The following MAPK13 variants were observed in gnomAD, a reference collection of about 807,000 sequenced individuals.
MAPK13 encodes MAP kinase 13.
Under a neutral mutation model 53.5 loss-of-function variants are expected in MAPK13, and 39 were observed. The observed-to-expected ratio is 0.73, with a 90% CI of 0.56 to 0.95. The LOEUF is 0.95. Among genes scored for constraint, MAPK13 ranks in the 40% least tolerant of loss-of-function variants. MAPK13 has a pLI of 0.00. For missense variants in MAPK13, 460 were observed against 471.8 expected, an observed-to-expected ratio of 0.98 and a Z score of 0.23; for synonymous variants, 179 against 190.9, an observed-to-expected ratio of 0.94 and a Z score of 0.51.
Position 36,130,831 on chromosome 6 carries a change from G to A in MAPK13, c.119+130G>A. On this transcript the variant is annotated intron_variant, in intron 1 of 11. Coordinates refer to ENST00000211287, the MANE Select transcript of MAPK13 (RefSeq NM_002754.5). The surrounding 1 kb of genome is among the most constrained non-coding windows in gnomAD (Gnocchi z 4.5). ...GACCTCAAGGCCCAGCGCCCTCCCCGGGGCCACCCAGCGGCCATCTCCCTT... is the reference window on the plus strand; with the variant it reads ...GACCTCAAGGCCCAGCGCCCTCCCCAGGGCCACCCAGCGGCCATCTCCCTT... 1 of 532,834 alleles carries A rather than the reference G, an allele frequency of 1.9e-6. No individual in the cohort carries two copies. The highest frequency in any genetic ancestry group is 3.3e-6 in the Non-Finnish European group (1 of 303,894). 33.0% of individuals were successfully genotyped at this position (532,834 alleles called of 1,614,324 possible).
At chr6:36,136,248 T>C (rs1028119611) in intron 5 of MAPK13, among the ~76,000 whole-genome samples, 200 bp downstream of exon 5, 8 of 152,174 alleles carry the variant, frequency 5.3e-5, no homozygotes, top group African/African-American at 9.7e-5. Flanking sequence ...TCATGGGGAA[T>C]TGCTGCAGAC....
chr6:36,133,456 C>A (rs1437369276), intron 3 of MAPK13, among the ~76,000 whole-genome samples: 4 of 152,154 alleles, frequency 2.6e-5, no homozygotes, highest in Non-Finnish European at 1.5e-5. Flanking sequence ...AGACTTGAGG[C>A]CCCATTTGGG....
At position 36,130,662 on chromosome 6, in the gene MAPK13, C is replaced by G; in HGVS notation, c.80C>G (p.Ser27Cys). 1.9e-6 allele frequency: 3 copies of G among 1,579,286 alleles called. No individual in the cohort carries two copies. The highest frequency in any genetic ancestry group is 2.6e-6 in the Non-Finnish European group (3 of 1,165,388). The change falls in exon 1 of 12, where the codon TCC becomes TGC. Residue 27 changes from serine (S) to cysteine (C), a missense_variant. Physicochemically the swap from Ser to Cys is moderately radical, Grantham distance 112. Transcript: ENST00000211287. This position sits in a 1 kb window ranked among gnomAD's most constrained non-coding sequence, Gnocchi z 4.5. ...TAWELPKTYV[S>C]PTHVGSGAYG... Reference sequence around the variant, plus strand: ...TGGGAGCTGCCCAAGACCTACGTGTCCCCGACGCACGTCGGCAGCGGGGCC... The same window carrying G: ...TGGGAGCTGCCCAAGACCTACGTGTGCCCGACGCACGTCGGCAGCGGGGCC...
chr6:36,130,718 GCT>G lies in MAPK13; in HGVS notation c.119+18_119+19del. On this transcript the variant is annotated intron_variant, in intron 1 of 11. Coordinates refer to ENST00000211287, the MANE Select transcript of MAPK13 (RefSeq NM_002754.5). The surrounding 1 kb of genome is among the most constrained non-coding windows in gnomAD (Gnocchi z 4.5). ...CTCCGTGTGGTGAGACCCCTGGGCC[GCT>G]GGGGGGCGGGGGGCGGGCGCCAGGC... The G allele has an allele frequency of 7.9e-7, 1 of 1,264,358 alleles. No individual in the cohort carries two copies. Among genetic ancestry groups the G allele is most frequent in the East Asian group, 3.2e-5 (1 of 30,852 alleles). The allele number at this position is 1,264,358 out of a possible 1,614,324, so 78.3% of individuals were successfully genotyped here.
At position 36,138,988 on chromosome 6, in the gene MAPK13, G is replaced by T; in HGVS notation, c.951G>T (p.Glu317Asp). 1 of 1,613,852 alleles carries T rather than the reference G, an allele frequency of 6.2e-7. No individual in the cohort carries two copies. ...AACCCTTCCGGGACCCTGAGGAAGA[G>T]ACGGAGGCCCAGCAGCCGTTTGATG... ...FFEPFRDPEE[E>D]TEAQQPFDDS... The change falls in exon 11 of 12, where the codon GAG (glutamate) becomes GAT (aspartate). Residue 317 changes from glutamate to aspartate, a missense_variant. Transcript: ENST00000211287.
At chr6:36,138,006 T>C (rs1163920134) in intron 8 of MAPK13, among the ~76,000 whole-genome samples, 4 of 141,948 alleles carry the variant, frequency 2.8e-5, no homozygotes, top group African/African-American at 7.9e-5. Flanking sequence ...TGATGAAAAA[T>C]TCTACCACTA....
At chr6:36,135,457 G>T (rs771250320) in intron 3 of MAPK13, among the ~76,000 whole-genome samples, 4 of 152,214 alleles carry the variant, frequency 2.6e-5, no homozygotes, top group African/African-American at 9.6e-5. Flanking sequence ...GTGGAGGAGG[G>T]CAAGGAGAGA....
At chr6:36,136,249 T>C (rs887869307) in intron 5 of MAPK13, among the ~76,000 whole-genome samples, 2 of 152,204 alleles carry the variant, frequency 1.3e-5, no homozygotes, top group Non-Finnish European at 2.9e-5. Flanking sequence ...CATGGGGAAT[T>C]GCTGCAGACA....
intron 2 of MAPK13, 72 bp downstream of exon 2, chr6:36,131,472 T>G: frequency 6.8e-7 from 1 of 1,480,828 alleles, no homozygotes; most frequent in Non-Finnish European, 9.2e-7. Context: ...AGGCGGGGCC[T>G]CCCGGTATGG....
In MAPK13 at chr6:36,130,964, A is replaced by G; in HGVS notation, c.119+263A>G. ...CCCAGAGTTCATCGGGCAGATCCTC[A>G]CTGTTACAGACGAGTACACCGAGGC... On this transcript the variant is annotated intron_variant, in intron 1 of 11. Transcript: ENST00000211287. The surrounding 1 kb of genome is among the most constrained non-coding windows in gnomAD (Gnocchi z 4.5). 1.9e-6 allele frequency: 1 copy of G among 517,486 alleles called. No homozygotes were observed. The highest frequency in any genetic ancestry group is 3.6e-5 in the Admixed American group (1 of 27,908). The allele number at this position is 517,486 out of a possible 1,614,324, so 32.1% of individuals were successfully genotyped here.
At chr6:36,138,289 A>C in intron 8 of MAPK13, 76 bp from the exon 9 acceptor site, 10 of 1,094,968 alleles carry the variant, frequency 9.1e-6, no homozygotes, top group Non-Finnish European at 1.4e-5. Flanking sequence ...GCCCGGGTGA[A>C]GTGATGGTGG....
intron 5 of MAPK13, 133 bp downstream of exon 5, chr6:36,136,181 C>A: frequency 9.1e-7 from 1 of 1,093,834 alleles, no homozygotes; most frequent in South Asian, 1.4e-5. Context: ...GGAGTTTTCA[C>A]ACCCAGCCAC....
At chr6:36,135,663 C>T (rs1581882789) in intron 3 of MAPK13, 90 bp from the exon 4 acceptor site, 1 of 851,194 alleles carries the variant, frequency 1.2e-6, no homozygotes, top group Non-Finnish European at 1.9e-6. Flanking sequence ...TCTCTATGAC[C>T]CCTGTTCTGC....
rs1386599764 is a variant in MAPK13, at chr6:36,144,206, G to C, written c.*4833G>C. 6.6e-6 allele frequency: 1 copy of C among 152,028 alleles called. No individual in the cohort carries two copies. The highest frequency in any genetic ancestry group is 1.9e-4 in the East Asian group (1 of 5,190). 9.4% of individuals were successfully genotyped at this position (152,028 alleles called of 1,614,324 possible). A position where few individuals can be genotyped will look rare whatever the true frequency, so the allele number is the denominator to read the frequency against. On this transcript the variant is annotated 3_prime_UTR_variant, in exon 12 of 12. Transcript: ENST00000211287. The stretch of plus-strand genomic sequence containing the variant: ...TATTTTCATACACATAAAATATGTA[G>C]GATTACAAAGTAAGCTAGTTATATT...
chr6:36,137,479 C>T (rs1766439838), intron 8 of MAPK13, among the ~76,000 whole-genome samples: 1 of 151,696 alleles, frequency 6.6e-6, no homozygotes. Flanking sequence ...CGCGCCACTG[C>T]ACTCCAGCCT....
In MAPK13 at chr6:36,130,746, T is replaced by A; in HGVS notation, c.119+45T>A. On this transcript the variant is annotated intron_variant, in intron 1 of 11. Coordinates refer to ENST00000211287, the MANE Select transcript of MAPK13 (RefSeq NM_002754.5). This position sits in a 1 kb window ranked among gnomAD's most constrained non-coding sequence, Gnocchi z 4.5. ...GGGGGGCGGGGGGCGGGCGCCAGGCTCTCCCCTTTCCGCCCAGCCCGCCCT... is the reference window on the plus strand; with the variant it reads ...GGGGGGCGGGGGGCGGGCGCCAGGCACTCCCCTTTCCGCCCAGCCCGCCCT... 1 of 861,372 alleles carries A rather than the reference T, an allele frequency of 1.2e-6. No homozygotes were observed. The highest frequency in any genetic ancestry group is 1.6e-6 in the Non-Finnish European group (1 of 610,776). The allele number at this position is 861,372 out of a possible 1,614,324, so 53.4% of individuals were successfully genotyped here. A position where few individuals can be genotyped will look rare whatever the true frequency, so the allele number is the denominator to read the frequency against.
Position 36,136,038 on chromosome 6 carries a change from T to A in MAPK13, c.437T>A (p.Val146Asp). Residue 146 changes from valine to aspartate, a missense_variant, in exon 5 of 12, where the codon GTC (valine) becomes GAC (aspartate). Coordinates refer to ENST00000211287, the MANE Select transcript of MAPK13 (RefSeq NM_002754.5). Reference protein sequence around the residue: ...KGLKYIHSAGVVHRDLKPGNL... With the variant: ...KGLKYIHSAGDVHRDLKPGNL... ...ACATAGTACATCCACTCTGCTGGGG[T>A]CGTGCACAGGGTGAGTGCTTTCTCT... 1 of 1,613,736 alleles carries A rather than the reference T, an allele frequency of 6.2e-7. No individual in the cohort carries two copies. The highest frequency in any genetic ancestry group is 8.5e-7 in the Non-Finnish European group (1 of 1,179,914).
At position 36,143,803 on chromosome 6, in the gene MAPK13, T is replaced by G. The variant is rs1202919715; in HGVS notation, c.*4430T>G. ...ATGGCAGCAAGTTGTCCTCACTTCT[T>G]CATTGAGCACCCATGGGTGTGTACT... On this transcript the variant is annotated 3_prime_UTR_variant, in exon 12 of 12. Coordinates refer to ENST00000211287, the MANE Select transcript of MAPK13 (RefSeq NM_002754.5). 1 of 152,198 alleles carries G rather than the reference T, an allele frequency of 6.6e-6. No individual in the cohort carries two copies. The highest frequency in any genetic ancestry group is 1.9e-4 in the East Asian group (1 of 5,154). The allele number at this position is 152,198 out of a possible 1,614,324, so 9.4% of individuals were successfully genotyped here.
chr6:36,132,649 C>T lies in MAPK13; in HGVS notation c.278C>T (p.Pro93Leu), dbSNP rs1390210391. The change falls in exon 3 of 12, where the codon CCA becomes CTA. Residue 93 changes from proline (P) to leucine (L), a missense_variant. By Grantham distance (98) the Pro-to-Leu change is moderately conservative. Transcript: ENST00000211287. Reference protein sequence around the residue: ...NVIGLLDVFTPASSLRNFYDF... With the variant: ...NVIGLLDVFTLASSLRNFYDF... ...ATTGGGCTCCTGGATGTCTTCACCC[C>T]AGCCTCCTCCCTGCGCAACTTCTAT... 3.1e-6 allele frequency: 5 copies of T among 1,614,216 alleles called. No homozygotes were observed. The highest frequency in any genetic ancestry group is 4.2e-6 in the Non-Finnish European group (5 of 1,180,034).
Sources: gnomAD v4.1 joint callset for allele counts (sites outside exome capture counted in the v4.1 genomes callset) on GRCh38, gnomAD v4.1.1 for gene constraint, Gnocchi (gnomAD v3.1) non-coding constraint, MANE v1.5 for transcripts, NCBI Gene and HGNC (gene_info 2026-07-23, HGNC 2026-07-21) for gene names.